The following KCNH1 variants were observed in gnomAD, a reference collection of about 807,000 sequenced individuals.
KCNH1 encodes voltage-gated delayed rectifier potassium channel KCNH1.
KCNH1 carries 27 observed loss-of-function variants against 69.2 expected under a neutral mutation model. The ratio of observed to expected loss-of-function variants is 0.39; its 90% confidence interval spans 0.29 to 0.54. The LOEUF is 0.54. KCNH1 is among the 20% of genes least tolerant of loss of function. The pLI is 0.68. For missense variants in KCNH1, 798 were observed against 1,261.6 expected, an observed-to-expected ratio of 0.63 and a Z score of 5.57; for synonymous variants, 456 against 487.7, an observed-to-expected ratio of 0.93 and a Z score of 0.86.
rs2102561277 is a variant in KCNH1 at position 210,919,645 on chromosome 1, A to G, written c.1457T>C (p.Ile486Thr). The change falls in exon 7 of 11, where the codon ATT becomes ACT. Residue 486 changes from isoleucine (I) to threonine (T), a missense_variant. Physicochemically the swap from Ile to Thr is moderately conservative, Grantham distance 89. Transcript: ENST00000271751. The surrounding 1 kb of genome is among the most constrained non-coding windows in gnomAD (Gnocchi z 4.2). The stretch of plus-strand genomic sequence containing the variant: ...CCCAGCACTGTCATACTTACAGCCA[A>G]TCATCATGATGGCCACTGCAAAGAT... ...EKIFAVAIMMIGSLLYATIFG... is the reference protein window; with the variant it reads ...EKIFAVAIMMTGSLLYATIFG... 6.2e-7 allele frequency: 1 copy of G among 1,612,228 alleles called. No individual in the cohort carries two copies. The highest frequency in any genetic ancestry group is 8.5e-7 in the Non-Finnish European group (1 of 1,178,680).
chr1:210,745,239 A>G (rs1319070894), intron 10 of KCNH1, among the ~76,000 whole-genome samples: 1 of 112,142 alleles, frequency 8.9e-6, no homozygotes, highest in South Asian at 3.5e-4. Context: ...AGTGCTATGA[A>G]GAAAAAAAAA....
intron 5 of KCNH1, among the ~76,000 whole-genome samples, chr1:211,043,223 A>T (rs1229935886): frequency 6.6e-6 from 1 of 152,220 alleles, no homozygotes; most frequent in Non-Finnish European, 1.5e-5. Flanking sequence ...TAACCAAGAA[A>T]AGAAGAGAGA....
intron 3 of KCNH1, 71 bp from the exon 4 acceptor site, chr1:211,090,761 G>A: frequency 1.5e-6 from 2 of 1,346,466 alleles, no homozygotes; most frequent in Non-Finnish European, 2.1e-6. Flanking sequence ...GCAAAGACTT[G>A]GGAATGAATA....
chr1:210,684,118 G>A lies in KCNH1; in HGVS notation c.2133C>T (p.Ser711=), dbSNP rs1475786662. Residue 711 remains serine, a synonymous_variant, in exon 11 of 11, where the codon AGC becomes AGT. Coordinates refer to ENST00000271751, the MANE Select transcript of KCNH1 (RefSeq NM_172362.3). ...GTTCTTCCTCTTCACGTTTCACATC[G>A]CTGATCTTCCGGAACACAATCTGGA... ...LRKRIVFRKI[S]DVKREEEERM... is the part of the protein sequence containing the mutation. 4 of 1,508,994 alleles carry A rather than the reference G, an allele frequency of 2.7e-6. No individual in the cohort carries two copies. The highest frequency in any genetic ancestry group is 1.4e-5 in the African/African-American group (1 of 71,516). 93.5% of individuals were successfully genotyped at this position (1,508,994 alleles called of 1,614,324 possible). A position where few individuals can be genotyped will look rare whatever the true frequency, so the allele number is the denominator to read the frequency against.
intron 7 of KCNH1, among the ~76,000 whole-genome samples, chr1:210,898,482 T>C (rs1686918801): frequency 6.6e-6 from 1 of 152,130 alleles, no homozygotes; most frequent in African/African-American, 2.4e-5. Flanking sequence ...TAAATGTGTA[T>C]AATATTGGCT....
At chr1:210,908,574 G>A (rs1184811289) in intron 7 of KCNH1, among the ~76,000 whole-genome samples, 1 of 152,062 alleles carries the variant, frequency 6.6e-6, no homozygotes, top group Non-Finnish European at 1.5e-5. Flanking sequence ...TTCACTGCAG[G>A]GCTGCTGTCA....
At position 210,810,533 on chromosome 1, in the gene KCNH1, G is replaced by A. The variant is rs553079658; in HGVS notation, c.1463-6367C>T. On this transcript the variant is annotated intron_variant, in intron 7 of 10. Coordinates refer to ENST00000271751, the MANE Select transcript of KCNH1 (RefSeq NM_172362.3). ...CTGTGATGCAGATGTTGGACTCCTAGATTGATCTCATTTTCTTATTTTTCT... is the reference window on the plus strand; with the variant it reads ...CTGTGATGCAGATGTTGGACTCCTAAATTGATCTCATTTTCTTATTTTTCT... Among the ~76,000 whole-genome samples, 4 of 151,980 alleles carry A rather than the reference G, an allele frequency of 2.6e-5. No individual in the cohort carries two copies. The South Asian group carries it at 8.3e-4, about 32-fold the overall frequency.
chr1:210,811,726 G>A (rs535851517), intron 7 of KCNH1, among the ~76,000 whole-genome samples: 15 of 152,218 alleles, frequency 9.9e-5, no homozygotes, highest in African/African-American at 3.1e-4. Context: ...TTCCAAACCC[G>A]CAAAGTCAAG....
At chr1:210,917,313 GAGAA>G (rs1458814320) in intron 7 of KCNH1, among the ~76,000 whole-genome samples, 6 of 151,204 alleles carry the variant, frequency 4.0e-5, no homozygotes, top group Non-Finnish European at 7.4e-5. Context: ...GAGAGAGAGA[GAGAA>G]AGAAAGGGAG....
chr1:211,030,548 A>G (rs556199065), intron 5 of KCNH1, among the ~76,000 whole-genome samples: 2 of 152,236 alleles, frequency 1.3e-5, no homozygotes, highest in East Asian at 3.8e-4. Flanking sequence ...ACAAGTGGAC[A>G]TCAATAAGCC....
At chr1:210,992,411 C>T (rs1648292140) in intron 6 of KCNH1, among the ~76,000 whole-genome samples, 1 of 152,082 alleles carries the variant, frequency 6.6e-6, no homozygotes, top group Non-Finnish European at 1.5e-5. Flanking sequence ...AATTATATTC[C>T]CTCTAAAATT....
At chr1:210,704,422 A>G (rs1323897576) in intron 10 of KCNH1, among the ~76,000 whole-genome samples, 1 of 152,194 alleles carries the variant, frequency 6.6e-6, no homozygotes, top group Non-Finnish European at 1.5e-5. Context: ...TCCAAGGGTG[A>G]TGCTAAAACC....
rs142506325 is a variant in KCNH1, at chr1:211,015,661, C to G, written c.1032+3122G>C. Among the ~76,000 whole-genome samples, 3 of 152,308 alleles carry G rather than the reference C, an allele frequency of 2.0e-5. No homozygotes were observed. The East Asian group carries it at 5.8e-4, about 29-fold the overall frequency. ...TAGCTCTTGGAGCTGGCAGGAAACT[C>G]AAATAATCCACCACCCAAATGCTAT... On this transcript the variant is annotated intron_variant, in intron 6 of 10. Transcript: ENST00000271751.
In KCNH1 at chr1:210,775,376, A is replaced by T; in HGVS notation, c.2084T>A (p.Leu695Gln). The T allele has an allele frequency of 6.2e-7, 1 of 1,614,110 alleles. No homozygotes were observed. Among genetic ancestry groups the T allele is most frequent in the Non-Finnish European group, 8.5e-7 (1 of 1,179,978 alleles). Residue 695 changes from leucine to glutamine, a missense_variant, in exon 10 of 11, where the codon CTG (leucine) becomes CAG (glutamine). Leu to Gln is a moderately radical substitution (Grantham distance 113). Transcript: ENST00000271751. ...CTTCCTCAAGTTGTACGTCAGAATCAGGTTCCGGGAGAAGGAATGGGAGAA... is the reference window on the plus strand; with the variant it reads ...CTTCCTCAAGTTGTACGTCAGAATCTGGTTCCGGGAGAAGGAATGGGAGAA... ...TAFSHSFSRN[L>Q]ILTYNLRKRI...
chr1:211,051,640 C>A (rs1207776582), intron 5 of KCNH1, among the ~76,000 whole-genome samples: 1 of 152,114 alleles, frequency 6.6e-6, no homozygotes, highest in Non-Finnish European at 1.5e-5. Flanking sequence ...AAGGGGAGTG[C>A]AGCTAGTTGA....
chr1:210,941,297 T>C (rs1451478946), intron 6 of KCNH1, among the ~76,000 whole-genome samples: 1 of 152,206 alleles, frequency 6.6e-6, no homozygotes, highest in African/African-American at 2.4e-5. Context: ...GTGGCATCCT[T>C]GCCCAACACC....
intron 7 of KCNH1, among the ~76,000 whole-genome samples, chr1:210,862,726 G>A (rs1686006081): frequency 2.6e-5 from 4 of 152,172 alleles, no homozygotes; most frequent in Admixed American, 2.6e-4. Flanking sequence ...ACGAGTTACT[G>A]TGCTAGATGC....
intron 6 of KCNH1, among the ~76,000 whole-genome samples, chr1:210,979,024 C>T (rs1306435970): frequency 6.6e-6 from 1 of 152,194 alleles, no homozygotes; most frequent in Non-Finnish European, 1.5e-5. Context: ...ACTTTAATCA[C>T]TCCTGCAACC....
chr1:211,101,046 C>T (rs1691248450), intron 3 of KCNH1, among the ~76,000 whole-genome samples: 1 of 152,206 alleles, frequency 6.6e-6, no homozygotes, highest in African/African-American at 2.4e-5. Flanking sequence ...TTGTCTAACT[C>T]CCCTCTATCC....
Sources: allele counts gnomAD v4.1 joint callset (sites outside exome capture counted in the v4.1 genomes callset), GRCh38; gene constraint gnomAD v4.1.1; non-coding constraint Gnocchi (gnomAD v3.1); transcripts MANE v1.5; gene names NCBI Gene and HGNC (gene_info 2026-07-23, HGNC 2026-07-21).